NLGN1: variants seen among roughly 807,000 people sequenced by gnomAD.
NLGN1 encodes neuroligin-1.
In NLGN1, 12 loss-of-function variants were observed where a neutral mutation model predicts 65.5. The ratio of observed to expected loss-of-function variants is 0.18; its 90% CI spans 0.12 to 0.30. The LOEUF (loss-of-function observed/expected upper bound fraction) is 0.30. Among genes scored for constraint, NLGN1 ranks in the 10% least tolerant of loss-of-function variants. The probability of loss-of-function intolerance (pLI) is 1.00; values close to 1 mark genes in which losing one functional copy is unlikely to be tolerated. For missense variants in NLGN1, 750 were observed against 1,007.1 expected (o/e 0.74, Z 3.46); for synonymous variants, 350 against 359.5 (o/e 0.97, Z 0.30).
chr3:173,979,469 T>G (rs566096971), intron 4 of NLGN1, among the ~76,000 whole-genome samples: 1 of 152,232 alleles, frequency 6.6e-6, no homozygotes, highest in East Asian at 1.9e-4. Flanking sequence ...AAGAGCTTAT[T>G]AAAATAATGG....
intron 1 of NLGN1, among the ~76,000 whole-genome samples, chr3:173,430,944 A>G (rs2148741470): frequency 6.6e-6 from 1 of 152,320 alleles, no homozygotes; most frequent in Middle Eastern, 3.4e-3. Flanking sequence ...ACCCAGCCTC[A>G]GATATTTCTT....
intron 4 of NLGN1, among the ~76,000 whole-genome samples, chr3:174,000,217 A>G (rs1390990687): frequency 2.0e-5 from 3 of 152,118 alleles, no homozygotes; most frequent in African/African-American, 4.8e-5. Context: ...TTTTTAGTGT[A>G]AAACCTTAAA....
At chr3:173,895,341 C>T (rs564949819) in intron 4 of NLGN1, among the ~76,000 whole-genome samples, 63 of 152,228 alleles carry the variant, frequency 4.1e-4, no homozygotes, top group Middle Eastern at 6.8e-3. Flanking sequence ...ATTACAAAGG[C>T]ATCAAGATGC....
Position 174,120,465 on chromosome 3 carries a change from C to T in NLGN1, c.647-154850C>T, listed in dbSNP as rs929072253. On this transcript the variant is annotated intron_variant, in intron 4 of 6. Transcript: ENST00000457714. ...GAGGTTGCAGTGAGCCAAGATCATG[C>T]CACTGCACCCCAGCCTGGGTGACAG... Among the ~76,000 whole-genome samples the T allele has an allele frequency of 2.0e-5, 3 of 152,042 alleles. No individual in the cohort carries two copies. In the South Asian group the frequency reaches 6.2e-4, roughly 32 times the overall value.
intron 2 of NLGN1, among the ~76,000 whole-genome samples, chr3:173,580,965 A>G (rs922297650): frequency 1.3e-5 from 2 of 152,010 alleles, no homozygotes; most frequent in African/African-American, 4.8e-5. Flanking sequence ...GAGGTATTCA[A>G]TAAGTGTTTG....
At chr3:173,537,237 A>G (rs1260651489) in intron 2 of NLGN1, among the ~76,000 whole-genome samples, 5 of 152,164 alleles carry the variant, frequency 3.3e-5, no homozygotes, top group African/African-American at 7.2e-5. Flanking sequence ...CTTGACATCC[A>G]TATGTATCTC....
chr3:173,753,230 T>A (rs1776567446), intron 3 of NLGN1, among the ~76,000 whole-genome samples: 1 of 152,156 alleles, frequency 6.6e-6, no homozygotes, highest in South Asian at 2.1e-4. Context: ...TTTAGATCTC[T>A]GCTGCAGGCA....
chr3:174,087,873 G>A (rs919900393), intron 4 of NLGN1, among the ~76,000 whole-genome samples: 1 of 152,162 alleles, frequency 6.6e-6, no homozygotes, highest in Non-Finnish European at 1.5e-5. Context: ...GGGAAAGAAA[G>A]CAAATGAGTT....
intron 4 of NLGN1, among the ~76,000 whole-genome samples, chr3:174,264,221 A>G (rs1365373306): frequency 2.6e-5 from 4 of 151,080 alleles, no homozygotes; most frequent in Admixed American, 6.6e-5. Flanking sequence ...CTGAATCTGA[A>G]CGTTGGCCTG....
intron 2 of NLGN1, among the ~76,000 whole-genome samples, chr3:173,556,333 T>C (rs879382479): frequency 6.6e-6 from 1 of 152,194 alleles, no homozygotes; most frequent in African/African-American, 2.4e-5. Flanking sequence ...AACTTATTGA[T>C]TCTAGCTGTC....
intron 2 of NLGN1, among the ~76,000 whole-genome samples, chr3:173,438,123 T>TA (rs1380550362): frequency 6.6e-6 from 1 of 152,086 alleles, no homozygotes; most frequent in Non-Finnish European, 1.5e-5. Context: ...ATTTCTCTCT[T>TA]AAAAAAACAG....
At chr3:173,609,346 G>A (rs1447925986) in intron 3 of NLGN1, among the ~76,000 whole-genome samples, 1 of 151,886 alleles carries the variant, frequency 6.6e-6, no homozygotes, top group Non-Finnish European at 1.5e-5. Context: ...ATATGACTCT[G>A]GTACAGTCAT....
chr3:173,975,984 T>G (rs1365056291), intron 4 of NLGN1, among the ~76,000 whole-genome samples: 1 of 152,058 alleles, frequency 6.6e-6, no homozygotes, highest in East Asian at 1.9e-4. Flanking sequence ...AATATATATT[T>G]ACTAACTGAC....
intron 2 of NLGN1, among the ~76,000 whole-genome samples, chr3:173,464,253 A>C (rs1723894151): frequency 6.6e-6 from 1 of 152,046 alleles, no homozygotes. Flanking sequence ...TTCTTACTCT[A>C]ATTTTATAGA....
intron 4 of NLGN1, among the ~76,000 whole-genome samples, chr3:173,811,566 CAAAAAAAAAAA>C (rs768913259): frequency 4.3e-5 from 2 of 46,440 alleles, no homozygotes; most frequent in African/African-American, 7.2e-5. Context: ...AACTCCGTCT[CAAAAAAAAAAA>C]AAAAAAAAGG....
chr3:173,960,463 T>G (rs977221280), intron 4 of NLGN1, among the ~76,000 whole-genome samples: 2 of 151,978 alleles, frequency 1.3e-5, no homozygotes, highest in Non-Finnish European at 2.9e-5. Flanking sequence ...TCTTTTTCTT[T>G]TAAATTTTAG....
At chr3:174,197,348 C>T (rs969984324) in intron 4 of NLGN1, among the ~76,000 whole-genome samples, 1 of 151,484 alleles carries the variant, frequency 6.6e-6, no homozygotes, top group African/African-American at 2.4e-5. Context: ...GGAACCAAGC[C>T]GTCTTGGTGG....
intron 4 of NLGN1, among the ~76,000 whole-genome samples, chr3:173,883,233 T>C (rs1197675627): frequency 2.6e-5 from 4 of 152,160 alleles, no homozygotes; most frequent in East Asian, 1.9e-4. Context: ...GAGTTATTAA[T>C]TGGCCTGATT....
At chr3:174,250,543 C>T (rs16858424) in intron 4 of NLGN1, among the ~76,000 whole-genome samples, 51,171 of 151,824 alleles carry the variant, frequency 0.34, 8,827 homozygotes, top group Middle Eastern at 0.38. Flanking sequence ...ACTAGAAGGA[C>T]GTTGGCATCA....
Sources: gnomAD v4.1 joint callset for allele counts (sites outside exome capture counted in the v4.1 genomes callset) on GRCh38, gnomAD v4.1.1 for gene constraint, MANE v1.5 for transcripts, NCBI Gene and HGNC (gene_info 2026-07-23, HGNC 2026-07-21) for gene names.